Variants in FAM118A observed in about 807,000 individuals in gnomAD.
FAM118A encodes protein FAM118A.
FAM118A carries 25 observed loss-of-function variants against 38.2 expected under a neutral mutation model. The ratio of observed to expected loss-of-function variants is 0.65; its 90% CI spans 0.48 to 0.91. FAM118A has a LOEUF of 0.91. Ranked by LOEUF, FAM118A falls within the 40% of genes least tolerant of loss-of-function variation. FAM118A has a pLI of 0.00. For synonymous variants in FAM118A, 178 were observed against 184.1 expected (o/e 0.97, Z 0.27); for missense variants, 425 against 463.3 (o/e 0.92, Z 0.76).
chr22:45,311,674 G>A (rs1164218242), intron 1 of FAM118A, among the ~76,000 whole-genome samples: 2 of 152,118 alleles, frequency 1.3e-5, no homozygotes, highest in African/African-American at 4.8e-5. Context: ...AGAGGGGCGG[G>A]AGTTGGTGTG....
At chr22:45,334,586 C>T (rs893100974) in intron 6 of FAM118A, among the ~76,000 whole-genome samples, 1 of 152,188 alleles carries the variant, frequency 6.6e-6, no homozygotes, top group Non-Finnish European at 1.5e-5. Context: ...ACCCTCTGCT[C>T]GGAGTTCCAT....
intron 5 of FAM118A, 128 bp downstream of exon 5, chr22:45,330,859 A>G (rs1220940575): frequency 3.7e-6 from 4 of 1,074,300 alleles, no homozygotes; most frequent in Non-Finnish European, 4.9e-6. Flanking sequence ...CCCTGCACAC[A>G]GTTGCTGAGG....
At chr22:45,334,284 TG>T (rs1267405480) in intron 6 of FAM118A, among the ~76,000 whole-genome samples, 1 of 152,198 alleles carries the variant, frequency 6.6e-6, no homozygotes, top group Non-Finnish European at 1.5e-5. Flanking sequence ...AGGCCTGTGC[TG>T]GCTCGTTTAA....
rs145977863 is a variant in FAM118A at position 45,317,103 on chromosome 22, A to C, written c.-9-5268A>C. Among the ~76,000 whole-genome samples the C allele has an allele frequency of 5.3e-4, 80 of 152,316 alleles. No homozygotes were observed. In the East Asian group the frequency reaches 7.3e-3, roughly 14 times the overall value. On this transcript the variant is annotated intron_variant, in intron 1 of 8. Coordinates refer to ENST00000441876, the MANE Select transcript of FAM118A (RefSeq NM_017911.4). ...TAGAAAGAAATTAAGAAAGTTGGGC[A>C]CAGTGGCTCACACCTGTAATCCCAG...
intron 7 of FAM118A, among the ~76,000 whole-genome samples, chr22:45,335,803 G>A (rs1275593948): frequency 6.6e-6 from 1 of 152,230 alleles, no homozygotes; most frequent in Non-Finnish European, 1.5e-5. Flanking sequence ...TTTGAAATGT[G>A]AACGCTCTTC....
upstream of FAM118A, chr22:45,309,220 GA>G (rs2084271888): frequency 6.6e-6 from 1 of 152,250 alleles, no homozygotes; most frequent in African/African-American, 2.4e-5. Flanking sequence ...CAGCCTCGGG[GA>G]AGAGTATTTC....
At chr22:45,310,291 C>G (rs1160496428) in intron 1 of FAM118A, 108 bp downstream of exon 1, 5 of 151,928 alleles carry the variant, frequency 3.3e-5, no homozygotes, top group Non-Finnish European at 7.4e-5. Context: ...TCCCTCTCAG[C>G]TCTTCCCCTG....
chr22:45,337,917 C>G, intron 8 of FAM118A: 1 of 985,190 alleles, frequency 1.0e-6, no homozygotes. Context: ...GTCTGAAGAC[C>G]AGGTTTCCTA....
intron 6 of FAM118A, among the ~76,000 whole-genome samples, chr22:45,334,427 G>A (rs186175485): frequency 6.6e-6 from 1 of 152,244 alleles, no homozygotes; most frequent in African/African-American, 2.4e-5. Flanking sequence ...AGTTTTTGTT[G>A]TTTTTTTAAC....
intron 1 of FAM118A, among the ~76,000 whole-genome samples, chr22:45,319,436 TC>T (rs1333872274): frequency 6.6e-6 from 1 of 152,150 alleles, no homozygotes; most frequent in African/African-American, 2.4e-5. Flanking sequence ...CAGGAGTGGC[TC>T]CCAAGTCCTG....
chr22:45,315,505 C>G (rs1569120567), intron 1 of FAM118A, among the ~76,000 whole-genome samples: 1 of 152,214 alleles, frequency 6.6e-6, no homozygotes, highest in African/African-American at 2.4e-5. Context: ...GTAACAGACA[C>G]TGTACACTTT....
intron 3 of FAM118A, among the ~76,000 whole-genome samples, chr22:45,325,176 C>T (rs2085172478): frequency 6.6e-6 from 1 of 152,112 alleles, no homozygotes; most frequent in Non-Finnish European, 1.5e-5. Context: ...CCCTTGTTGT[C>T]CTTCAGGTGA....
rs567804704 is a variant in FAM118A at position 45,323,091 on chromosome 22, C to T, written c.48-84C>T. The T allele has an allele frequency of 1.4e-4, 201 of 1,442,236 alleles. No homozygotes were observed. The African/African-American group carries it at 1.6e-3, about 11-fold the overall frequency. The allele number at this position is 1,442,236 out of a possible 1,614,324, so 89.3% of individuals were successfully genotyped here. A position where few individuals can be genotyped will look rare whatever the true frequency, so the allele number is the denominator to read the frequency against. ...TGTGTGTGTGTACACAGCACAAGGCCGGAACTCGCAGACAGTTCCAGACTT... is the reference window on the plus strand; with the variant it reads ...TGTGTGTGTGTACACAGCACAAGGCTGGAACTCGCAGACAGTTCCAGACTT... On this transcript the variant is annotated intron_variant, in intron 2 of 8. Transcript: ENST00000441876.
At chr22:45,331,476 A>G (rs1375100380) in intron 5 of FAM118A, among the ~76,000 whole-genome samples, 2 of 152,168 alleles carry the variant, frequency 1.3e-5, no homozygotes, top group Non-Finnish European at 2.9e-5. Context: ...CCTGGGCCCA[A>G]GGATCCTCCT....
chr22:45,312,316 C>T (rs1387701904), intron 1 of FAM118A, among the ~76,000 whole-genome samples: 1 of 152,158 alleles, frequency 6.6e-6, no homozygotes, highest in Non-Finnish European at 1.5e-5. Flanking sequence ...CAGTCACAAG[C>T]CTGAGCCTCT....
rs1470576955 is a variant in FAM118A at position 45,341,463 on chromosome 22, G to A, written c.*1058G>A. On this transcript the variant is annotated 3_prime_UTR_variant, in exon 9 of 9. Transcript: ENST00000441876. ...AGGCTTTGCAAGTCTTTATTCTCTG[G>A]GGTAATATCCAGTCTTTCTGTTATT... The A allele has an allele frequency of 1.3e-5, 2 of 152,194 alleles. No homozygotes were observed. Among genetic ancestry groups the A allele is most frequent in the Admixed American group, 1.3e-4 (2 of 15,272 alleles). The allele number at this position is 152,194 out of a possible 1,614,324, so 9.4% of individuals were successfully genotyped here. A position where few individuals can be genotyped will look rare whatever the true frequency, so the allele number is the denominator to read the frequency against.
chr22:45,323,086 A>C, intron 2 of FAM118A, 89 bp from the exon 3 acceptor site: 1 of 1,356,360 alleles, frequency 7.4e-7, no homozygotes, highest in Non-Finnish European at 1.0e-6. Context: ...TACACAGCAC[A>C]AGGCCGGAAC....
rs193067293 is a variant in FAM118A, at chr22:45,329,391, T to C, written c.523-1212T>C. On this transcript the variant is annotated intron_variant, in intron 4 of 8. Transcript: ENST00000441876. ...TGTATCTTGCCAACACATGGTGTTA[T>C]TAAGAAACAAAATGAAATACACCTT... is the stretch of plus-strand genomic sequence containing the variant. 2.6e-5 allele frequency: 4 copies of C among 152,342 alleles called. No individual in the cohort carries two copies. The East Asian group carries it at 5.8e-4, about 22-fold the overall frequency. 9.4% of individuals were successfully genotyped at this position (152,342 alleles called of 1,614,324 possible). A position where few individuals can be genotyped will look rare whatever the true frequency, so the allele number is the denominator to read the frequency against.
Position 45,336,357 on chromosome 22 carries a change from A to G in FAM118A, c.1000A>G (p.Lys334Glu). Residue 334 changes from lysine to glutamate, a missense_variant, in exon 8 of 9, where the codon AAG becomes GAG. By Grantham distance (56) the Lys-to-Glu change is moderately conservative (BLOSUM62 1). Transcript: ENST00000441876. ...TGCATGCCAGGACTGTGCAAAGAGG[A>G]AGTTAGAAGAGAATGGAATTGAAGT... ...GNACQDCAKRKLEENGIEVSK... is the reference protein window; with the variant it reads ...GNACQDCAKRELEENGIEVSK... The G allele has an allele frequency of 6.2e-7, 1 of 1,613,988 alleles. No individual in the cohort carries two copies. The highest frequency in any genetic ancestry group is 8.5e-7 in the Non-Finnish European group (1 of 1,179,894).
Sources: gnomAD v4.1 joint callset for allele counts (sites outside exome capture counted in the v4.1 genomes callset) on GRCh38, gnomAD v4.1.1 for gene constraint, MANE v1.5 for transcripts, NCBI Gene and HGNC (gene_info 2026-07-23, HGNC 2026-07-21) for gene names.